The following ADGRG2 variants were observed in gnomAD, a reference collection of about 807,000 sequenced individuals.
The protein encoded by ADGRG2 is G protein-coupled receptor 64.
Under a neutral mutation model 74.1 loss-of-function variants are expected in ADGRG2, and 26 were observed. The observed-to-expected ratio is 0.35, with a 90% CI of 0.26 to 0.49. The LOEUF is 0.49. Ranked by LOEUF, ADGRG2 falls within the 20% of genes least tolerant of loss-of-function variation. The pLI is 0.99. For missense variants in ADGRG2, 619 were observed against 763.1 expected (o/e 0.81, Z 2.22); for synonymous variants, 296 against 295.2 (o/e 1.00, Z -0.03).
intron 14 of ADGRG2, among the ~76,000 whole-genome samples, chrX:19,019,905 C>T (rs1452665965): frequency 8.9e-6 from 1 of 111,889 alleles, no homozygotes; most frequent in East Asian, 2.8e-4. Context: ...ACTAATCACT[C>T]TTCAGCAACT....
chrX:19,046,915 G>A (rs1023371873), intron 3 of ADGRG2, among the ~76,000 whole-genome samples: 5 of 111,740 alleles, frequency 4.5e-5, no homozygotes, highest in Non-Finnish European at 7.5e-5. Flanking sequence ...CCCACTGGCC[G>A]AACCTAGCTG....
At chrX:19,087,766 C>T (rs1010746273) in intron 1 of ADGRG2, among the ~76,000 whole-genome samples, 74 of 111,805 alleles carry the variant, frequency 6.6e-4, no homozygotes, top group African/African-American at 2.2e-3. Context: ...CTCTTGCAGC[C>T]GTTGCTACCA....
chrX:19,114,992 T>C (rs181198445), intron 1 of ADGRG2, among the ~76,000 whole-genome samples: 96 of 112,006 alleles, frequency 8.6e-4, no homozygotes, highest in Middle Eastern at 9.3e-3. Flanking sequence ...AATGAGTTAA[T>C]AGATGTAAAG....
At chrX:18,996,273 A>C (rs1167339582) in intron 26 of ADGRG2, 121 bp from the exon 27 acceptor site, 1 of 410,799 alleles carries the variant, frequency 2.4e-6, no homozygotes, top group Non-Finnish European at 4.3e-6. Flanking sequence ...AAATTTTGCA[A>C]ATTGAATAAA....
chrX:19,071,568 G>GA (rs2061654038), intron 2 of ADGRG2, among the ~76,000 whole-genome samples: 1 of 111,433 alleles, frequency 9.0e-6, no homozygotes, highest in South Asian at 3.9e-4. Context: ...AACCGAAGCA[G>GA]AAAAAACTAA....
chrX:18,993,705 TC>T (rs1974395558), intron 28 of ADGRG2, among the ~76,000 whole-genome samples: 1 of 98,994 alleles, frequency 1.0e-5, no homozygotes, highest in African/African-American at 3.8e-5. Context: ...AAAAAAAAAG[TC>T]TAGACACACC....
chrX:19,051,698 C>T (rs1275850679), intron 3 of ADGRG2, among the ~76,000 whole-genome samples: 1 of 111,466 alleles, frequency 9.0e-6, no homozygotes, highest in Non-Finnish European at 1.9e-5. Flanking sequence ...TCTCTCTTAT[C>T]CTTAGAACTC....
intron 7 of ADGRG2, 193 bp downstream of exon 7, chrX:19,035,749 G>C (rs1313100992): frequency 9.2e-6 from 3 of 327,054 alleles, no homozygotes; most frequent in Non-Finnish European, 1.6e-5. Context: ...CCATCCTTTG[G>C]AAGTTTGGGA....
chrX:18,989,954 CCT>C lies in ADGRG2; in HGVS notation c.*908_*909del, dbSNP rs1383441325. ...CACATGGTCTGGATGACAGTTCATC[CCT>C]CTCTGTGGCCAAGGTATAAAGCTAA... is the stretch of plus-strand genomic sequence containing the variant. On this transcript the variant is annotated 3_prime_UTR_variant, in exon 29 of 29. Coordinates refer to ENST00000379869, the MANE Select transcript of ADGRG2 (RefSeq NM_001079858.3). The C allele has an allele frequency of 8.9e-6, 1 of 112,183 alleles. No individual in the cohort carries two copies. The highest frequency in any genetic ancestry group is 1.9e-5 in the Non-Finnish European group (1 of 53,182). 9.2% of individuals were successfully genotyped at this position (112,183 alleles called of 1,213,427 possible). A position where few individuals can be genotyped will look rare whatever the true frequency, so the allele number is the denominator to read the frequency against.
At position 19,023,963 on chromosome X, in the gene ADGRG2, G is replaced by A; in HGVS notation, c.471-15C>T. The A allele has an allele frequency of 8.6e-7, 1 of 1,157,268 alleles. No homozygotes were observed. The highest frequency in any genetic ancestry group is 1.2e-6 in the Non-Finnish European group (1 of 846,835). ...GCTCTGAGCGTCTGTAATAAAATGA[G>A]AGAAATTGACATTAAGGAGACCATT... On this transcript the variant is annotated splice_polypyrimidine_tract_variant and intron_variant, in intron 11 of 28. Transcript: ENST00000379869.
chrX:19,000,075 C>T (rs1201274914), intron 24 of ADGRG2, 115 bp from the exon 25 acceptor site: 4 of 418,064 alleles, frequency 9.6e-6, no homozygotes, highest in African/African-American at 7.9e-5. Context: ...CTCACTGCAA[C>T]CTCCGCCTCC....
intron 3 of ADGRG2, among the ~76,000 whole-genome samples, chrX:19,048,100 C>T (rs915133470): frequency 9.0e-6 from 1 of 111,259 alleles, no homozygotes; most frequent in Non-Finnish European, 1.9e-5. Context: ...CTCCTGCCTT[C>T]GCACAGTATC....
chrX:19,108,084 G>A (rs1457891392), intron 1 of ADGRG2, among the ~76,000 whole-genome samples: 1 of 100,018 alleles, frequency 1.0e-5, no homozygotes, highest in Non-Finnish European at 2.0e-5. Context: ...TCCAGCCTGG[G>A]TGACAGTGAG....
chrX:19,045,175 G>A (rs182658247), intron 3 of ADGRG2, among the ~76,000 whole-genome samples: 1 of 110,743 alleles, frequency 9.0e-6, no homozygotes, highest in African/African-American at 3.3e-5. Context: ...ATTGCTTGTA[G>A]ACCTGAGATT....
At chrX:19,000,580 G>C (rs2060111552) in intron 24 of ADGRG2, among the ~76,000 whole-genome samples, 2 of 111,486 alleles carry the variant, frequency 1.8e-5, no homozygotes, top group Admixed American at 1.9e-4. Flanking sequence ...CAAACTTAGG[G>C]CAACCTTGAG....
At chrX:19,048,049 G>A in intron 3 of ADGRG2, among the ~76,000 whole-genome samples, 1 of 111,014 alleles carries the variant, frequency 9.0e-6, no homozygotes, top group Middle Eastern at 4.7e-3. Context: ...GGAAGAAGGT[G>A]AAATGTGTTC....
chrX:19,093,394 G>A (rs1240493298), intron 1 of ADGRG2, among the ~76,000 whole-genome samples: 1 of 111,761 alleles, frequency 8.9e-6, no homozygotes, highest in Non-Finnish European at 1.9e-5. Context: ...TGTGCACAAG[G>A]AGAGGATAAA....
intron 3 of ADGRG2, among the ~76,000 whole-genome samples, chrX:19,053,735 C>T (rs999423828): frequency 3.6e-5 from 4 of 111,945 alleles, no homozygotes; most frequent in Non-Finnish European, 5.6e-5. Flanking sequence ...TCCGTTTTCA[C>T]GCTCTGATAA....
chrX:19,046,041 C>T (rs1441764639), intron 3 of ADGRG2, among the ~76,000 whole-genome samples: 5 of 111,254 alleles, frequency 4.5e-5, no homozygotes, highest in Non-Finnish European at 9.4e-5. Flanking sequence ...CATACCACTA[C>T]ACCTGGATAT....
Sources: gnomAD v4.1 joint callset for allele counts (sites outside exome capture counted in the v4.1 genomes callset) on GRCh38, gnomAD v4.1.1 for gene constraint, MANE v1.5 for transcripts, NCBI Gene and HGNC (gene_info 2026-07-23, HGNC 2026-07-21) for gene names.